FCHSD2: variants seen among roughly 807,000 people sequenced by gnomAD.
The protein encoded by FCHSD2 is FCH and double SH3 domains 2.
In FCHSD2, 38 loss-of-function variants were observed where a neutral mutation model predicts 108.1. That is an observed-to-expected ratio of 0.35 (90% CI 0.27 to 0.46). The LOEUF is 0.46. Among genes scored for constraint, FCHSD2 ranks in the 20% least tolerant of loss-of-function variants. The pLI is 1.00. For missense variants in FCHSD2, 751 were observed against 897.8 expected, an observed-to-expected ratio of 0.84 and a Z score of 2.09; for synonymous variants, 279 against 314.7, an observed-to-expected ratio of 0.89 and a Z score of 1.20.
intron 10 of FCHSD2, among the ~76,000 whole-genome samples, chr11:72,901,713 G>A (rs1236426216): frequency 6.6e-6 from 1 of 151,620 alleles, no homozygotes; most frequent in Admixed American, 6.6e-5. Context: ...GAGGGGTAGA[G>A]GCATTAAAAA....
chr11:72,894,022 A>T (rs749910566), intron 10 of FCHSD2, among the ~76,000 whole-genome samples: 71 of 152,358 alleles, frequency 4.7e-4, no homozygotes, highest in Non-Finnish European at 8.5e-4. Flanking sequence ...ACTTCGCAGA[A>T]GAAAACAATC....
rs376843544 is a variant in FCHSD2, at chr11:73,141,846, T to A, written c.21+11A>T. 151 of 1,544,228 alleles carry A rather than the reference T, an allele frequency of 9.8e-5. 1 individual carries two copies. The African/African-American group carries it at 1.9e-3, about 19-fold the overall frequency. ...TCTCCGAACCCCAAAGCCCCCCAGC[T>A]GCGCCCTTACCTTCCTCGGCGGCGG... On this transcript the variant is annotated intron_variant, in intron 1 of 19. Coordinates refer to ENST00000409418, the MANE Select transcript of FCHSD2 (RefSeq NM_014824.3).
intron 3 of FCHSD2, among the ~76,000 whole-genome samples, chr11:73,047,186 A>T (rs1858788827): frequency 6.6e-6 from 1 of 152,130 alleles, no homozygotes; most frequent in South Asian, 2.1e-4. Flanking sequence ...TTGAAAAAAA[A>T]AGGCAAATAT....
chr11:72,996,155 A>C lies in FCHSD2; in HGVS notation c.387+4835T>G, dbSNP rs916475441. 2.6e-5 allele frequency among the ~76,000 whole-genome samples: 4 copies of C among 152,208 alleles called. No individual in the cohort carries two copies. In the East Asian group the frequency reaches 7.7e-4, roughly 29 times the overall value. The stretch of plus-strand genomic sequence containing the variant: ...TTTTCTATAAACCTGTTTCAATATT[A>C]AGCTTTGTTTTAAAAGCATTGTACA... On this transcript the variant is annotated intron_variant, in intron 5 of 19. Transcript: ENST00000409418.
chr11:73,111,144 T>C (rs1455794936), intron 2 of FCHSD2, among the ~76,000 whole-genome samples: 1 of 152,190 alleles, frequency 6.6e-6, no homozygotes, highest in Non-Finnish European at 1.5e-5. Flanking sequence ...GAATGTGTAT[T>C]CTGGAGCCAC....
chr11:72,910,730 G>A (rs1246411717), intron 9 of FCHSD2, among the ~76,000 whole-genome samples: 1 of 148,954 alleles, frequency 6.7e-6, no homozygotes, highest in Non-Finnish European at 1.5e-5. Flanking sequence ...AGAGACCTTT[G>A]TTCACGTGTT....
chr11:72,864,037 T>C lies in FCHSD2; in HGVS notation c.1308+3828A>G, dbSNP rs923942730. Among the ~76,000 whole-genome samples, 11 of 152,344 alleles carry C rather than the reference T, an allele frequency of 7.2e-5. No individual in the cohort carries two copies. In the East Asian group the frequency reaches 2.1e-3, roughly 29 times the overall value. ...TTATCTCCAACATCATTATTAAGCA[T>C]GGTTCTCACAACAACCAAAGTCAGA... On this transcript the variant is annotated intron_variant, in intron 13 of 19. Coordinates refer to ENST00000409418, the MANE Select transcript of FCHSD2 (RefSeq NM_014824.3).
At chr11:72,869,127 G>A (rs911056448) in intron 12 of FCHSD2, among the ~76,000 whole-genome samples, 1 of 151,874 alleles carries the variant, frequency 6.6e-6, no homozygotes, top group African/African-American at 2.4e-5. Flanking sequence ...GGCTGGTGTC[G>A]AACTCCTGAC....
chr11:72,874,591 T>C (rs186564718), intron 12 of FCHSD2, among the ~76,000 whole-genome samples: 310 of 152,358 alleles, frequency 2.0e-3, no homozygotes, highest in African/African-American at 7.2e-3. Flanking sequence ...AGTCATTTAA[T>C]TGCTGAAGCA....
rs1412156836 is a variant in FCHSD2 at position 73,001,206 on chromosome 11, C to T, written c.243-72G>A. On this transcript the variant is annotated intron_variant, in intron 4 of 19. Coordinates refer to ENST00000409418, the MANE Select transcript of FCHSD2 (RefSeq NM_014824.3). ...AAAAAGTTGGCTAACCTTTTGCTCA[C>T]AGGGCAGCACTGACAGAATAAATGA... 3 of 1,272,584 alleles carry T rather than the reference C, an allele frequency of 2.4e-6. 1 individual carries two copies. In the South Asian group the frequency reaches 3.9e-5, roughly 16 times the overall value. 78.8% of individuals were successfully genotyped at this position (1,272,584 alleles called of 1,614,324 possible).
At chr11:72,887,352 A>G in intron 12 of FCHSD2, 118 bp downstream of exon 12, 2 of 669,832 alleles carry the variant, frequency 3.0e-6, no homozygotes, top group Non-Finnish European at 5.2e-6. Flanking sequence ...GACACGAATG[A>G]AGACGGTGAA....
chr11:73,079,085 A>G (rs941669454), intron 3 of FCHSD2, among the ~76,000 whole-genome samples: 7 of 152,126 alleles, frequency 4.6e-5, no homozygotes, highest in African/African-American at 1.7e-4. Flanking sequence ...AAAATTTATC[A>G]AACAGTGTAC....
intron 8 of FCHSD2, among the ~76,000 whole-genome samples, chr11:72,956,222 G>A (rs1317344897): frequency 2.0e-5 from 3 of 152,024 alleles, no homozygotes; most frequent in African/African-American, 7.2e-5. Flanking sequence ...AAATAAACAA[G>A]CACATAAATG....
chr11:73,061,557 T>G lies in FCHSD2; in HGVS notation c.165+22138A>C, dbSNP rs1171054251. ...CGGAGCCCAGCAAACTAAGATCCAC[T>G]GGCTTGAAATTCTCACTGCCAGCAC... On this transcript the variant is annotated intron_variant, in intron 3 of 19. Coordinates refer to ENST00000409418, the MANE Select transcript of FCHSD2 (RefSeq NM_014824.3). Among the ~76,000 whole-genome samples the G allele has an allele frequency of 2.0e-5, 3 of 152,324 alleles. No individual in the cohort carries two copies. The East Asian group carries it at 5.8e-4, about 29-fold the overall frequency.
intron 9 of FCHSD2, among the ~76,000 whole-genome samples, chr11:72,908,564 G>A (rs1404064238): frequency 6.6e-6 from 1 of 152,126 alleles, no homozygotes; most frequent in Non-Finnish European, 1.5e-5. Context: ...CTATCTTTTG[G>A]ATAAAAGCCA....
intron 12 of FCHSD2, among the ~76,000 whole-genome samples, chr11:72,879,792 T>TTAA (rs1203934899): frequency 6.6e-6 from 1 of 151,860 alleles, no homozygotes; most frequent in African/African-American, 2.4e-5. Context: ...ATCAAGTGAT[T>TTAA]TAATATTCAT....
intron 8 of FCHSD2, among the ~76,000 whole-genome samples, chr11:72,973,457 CAAAG>C (rs767073564): frequency 4.6e-5 from 7 of 151,654 alleles, no homozygotes; most frequent in Admixed American, 2.6e-4. Context: ...GCAAAGATAA[CAAAG>C]AAAGTTAAAA....
Position 72,843,143 on chromosome 11 carries a change from G to C in FCHSD2, c.1705+8C>G. 1 of 1,613,524 alleles carries C rather than the reference G, an allele frequency of 6.2e-7. No individual in the cohort carries two copies. The highest frequency in any genetic ancestry group is 8.5e-7 in the Non-Finnish European group (1 of 1,179,588). Reference sequence around the variant, plus strand: ...ACCAAATAAAGAGTGCCTTGTTTCAGTCTTTACCACTGGCATCTCCGTTGA... The same window carrying C: ...ACCAAATAAAGAGTGCCTTGTTTCACTCTTTACCACTGGCATCTCCGTTGA... On this transcript the variant is annotated splice_region_variant and intron_variant, in intron 16 of 19. Transcript: ENST00000409418.
At chr11:73,022,935 A>G (rs1858142653) in intron 3 of FCHSD2, among the ~76,000 whole-genome samples, 2 of 152,208 alleles carry the variant, frequency 1.3e-5, no homozygotes, top group African/African-American at 4.8e-5. Flanking sequence ...TGACAATTCA[A>G]TGGAGACAGG....
Sources: allele counts gnomAD v4.1 joint callset (sites outside exome capture counted in the v4.1 genomes callset), GRCh38; gene constraint gnomAD v4.1.1; transcripts MANE v1.5; gene names NCBI Gene and HGNC (gene_info 2026-07-23, HGNC 2026-07-21).